Variants in ASH1L observed in about 807,000 individuals in gnomAD.
ASH1L encodes histone-lysine N-methyltransferase ASH1L.
ASH1L carries 23 observed loss-of-function variants against 269.0 expected under a neutral mutation model. The observed-to-expected ratio is 0.09, with a 90% CI of 0.06 to 0.12. The LOEUF is 0.12. ASH1L is among the 10% of genes least tolerant of loss of function. ASH1L has a pLI of 1.00. For missense variants in ASH1L, 2,912 were observed against 3,567.8 expected (o/e 0.82, Z 4.68); for synonymous variants, 1,187 against 1,253.5 (o/e 0.95, Z 1.12).
chr1:155,502,361 C>T (rs750413192), intron 2 of ASH1L, among the ~76,000 whole-genome samples: 14 of 152,186 alleles, frequency 9.2e-5, no homozygotes, highest in Non-Finnish European at 1.6e-4. Context: ...TGAGCCACCG[C>T]GCCCGGCAGA....
intron 5 of ASH1L, among the ~76,000 whole-genome samples, chr1:155,428,245 C>T (rs1221195365): frequency 6.6e-6 from 1 of 152,048 alleles, no homozygotes; most frequent in African/African-American, 2.4e-5. Flanking sequence ...TCAAGACCAG[C>T]CTGACCAACA....
At chr1:155,362,957 A>G (rs937343564) in intron 12 of ASH1L, among the ~76,000 whole-genome samples, 1 of 152,090 alleles carries the variant, frequency 6.6e-6, no homozygotes, top group African/African-American at 2.4e-5. Flanking sequence ...TCCATCCTGA[A>G]TTCAGAAAGC....
intron 1 of ASH1L, among the ~76,000 whole-genome samples, chr1:155,557,785 A>G (rs1671702970): frequency 6.6e-6 from 1 of 152,230 alleles, no homozygotes; most frequent in Non-Finnish European, 1.5e-5. Flanking sequence ...AAGGAAAATG[A>G]TAACAGAAAC....
chr1:155,359,940 C>G (rs1244837542), intron 13 of ASH1L, among the ~76,000 whole-genome samples: 2 of 151,414 alleles, frequency 1.3e-5, no homozygotes, highest in Admixed American at 6.6e-5. Context: ...CAGGCTGGAG[C>G]ACAGTGGTGC....
chr1:155,360,892 G>C (rs946618167), intron 12 of ASH1L, among the ~76,000 whole-genome samples: 1 of 151,430 alleles, frequency 6.6e-6, no homozygotes, highest in African/African-American at 2.4e-5. Context: ...AATATGGCTT[G>C]CCTGTATTCC....
intron 2 of ASH1L, among the ~76,000 whole-genome samples, chr1:155,518,761 G>C (rs1419083330): frequency 6.6e-6 from 1 of 151,106 alleles, no homozygotes; most frequent in East Asian, 1.9e-4. Context: ...AGGGAAGAGA[G>C]GGGGAGAGGC....
Position 155,555,962 on chromosome 1 carries a change from C to CA in ASH1L, c.-100+6190dup, listed in dbSNP as rs1671556148. ...AAATAAGCAAGAGGGGAAGGAGGGA[C>CA]AGGGGCTGGTAGATGTGGAAACAGT... On this transcript the variant is annotated intron_variant, in intron 1 of 27. Coordinates refer to ENST00000392403, the MANE Select transcript of ASH1L (RefSeq NM_018489.3). Among the ~76,000 whole-genome samples the CA allele has an allele frequency of 2.0e-5, 3 of 152,280 alleles. No individual in the cohort carries two copies. The South Asian group carries it at 6.2e-4, about 32-fold the overall frequency.
intron 2 of ASH1L, among the ~76,000 whole-genome samples, chr1:155,489,333 G>T (rs1434640279): frequency 2.0e-5 from 3 of 151,954 alleles, no homozygotes; most frequent in Non-Finnish European, 4.4e-5. Flanking sequence ...AATTAGCTGG[G>T]TGTGGTGGTG....
intron 2 of ASH1L, among the ~76,000 whole-genome samples, chr1:155,500,439 T>A (rs1302338542): frequency 6.6e-6 from 1 of 152,104 alleles, no homozygotes; most frequent in Non-Finnish European, 1.5e-5. Flanking sequence ...ATAGCAAGAC[T>A]CAGAGATACC....
chr1:155,489,943 T>C (rs1012252724), intron 2 of ASH1L, among the ~76,000 whole-genome samples: 1 of 152,012 alleles, frequency 6.6e-6, no homozygotes, highest in African/African-American at 2.4e-5. Context: ...GCATATGCAT[T>C]AGTTACACAC....
chr1:155,431,495 T>C (rs1413652361), intron 5 of ASH1L, among the ~76,000 whole-genome samples: 2 of 151,948 alleles, frequency 1.3e-5, no homozygotes, highest in East Asian at 3.9e-4. Context: ...GGTGCGGTGC[T>C]CACACCTGTA....
Position 155,479,196 on chromosome 1 carries a change from T to C in ASH1L, c.3674A>G (p.His1225Arg). Reference sequence around the variant, plus strand: ...AATCAGAGAAACATGCTCAAAAGAATGCCTCCTCTTTTTTTGCCCACAAAA... The same window carrying C: ...AATCAGAGAAACATGCTCAAAAGAACGCCTCCTCTTTTTTTGCCCACAAAA... ...EKFCGQKKRR[H>R]SFEHVSLIPP... Residue 1225 changes from histidine (H) to arginine (R), a missense_variant, in exon 3 of 28, where the codon CAT becomes CGT. Transcript: ENST00000392403. 6.2e-7 allele frequency: 1 copy of C among 1,614,170 alleles called. No individual in the cohort carries two copies. The highest frequency in any genetic ancestry group is 8.5e-7 in the Non-Finnish European group (1 of 1,180,024).
intron 2 of ASH1L, among the ~76,000 whole-genome samples, chr1:155,505,778 T>C (rs960498735): frequency 3.9e-5 from 6 of 152,276 alleles, no homozygotes; most frequent in African/African-American, 1.4e-4. Flanking sequence ...CTGGGCTAAC[T>C]TAAAATAGGG....
At chr1:155,445,415 C>T (rs1002548097) in intron 4 of ASH1L, among the ~76,000 whole-genome samples, 1 of 152,018 alleles carries the variant, frequency 6.6e-6, no homozygotes, top group African/African-American at 2.4e-5. Flanking sequence ...GAACTCCTGA[C>T]CTCAGGTGAT....
chr1:155,537,606 C>T (rs992488326), intron 1 of ASH1L, among the ~76,000 whole-genome samples: 3 of 152,178 alleles, frequency 2.0e-5, no homozygotes, highest in Non-Finnish European at 4.4e-5. Context: ...CCTTACCTCA[C>T]ATCATACACA....
chr1:155,517,832 G>T (rs1174423569), intron 2 of ASH1L, among the ~76,000 whole-genome samples: 3 of 104,588 alleles, frequency 2.9e-5, no homozygotes, highest in African/African-American at 7.6e-5. Flanking sequence ...ACGGAGTCTC[G>T]CTCTGTCGCC....
intron 20 of ASH1L, among the ~76,000 whole-genome samples, chr1:155,347,018 ATGAT>A (rs1653403077): frequency 6.6e-6 from 1 of 152,250 alleles, no homozygotes; most frequent in Non-Finnish European, 1.5e-5. Flanking sequence ...ATTATCACTA[ATGAT>A]TCAAAAGGCA....
chr1:155,552,185 G>A (rs1262698309), intron 1 of ASH1L, among the ~76,000 whole-genome samples: 1 of 151,606 alleles, frequency 6.6e-6, no homozygotes, highest in African/African-American at 2.4e-5. Context: ...AATATATGAA[G>A]GCCGGGCACA....
intron 21 of ASH1L, chr1:155,345,979 A>T: frequency 2.7e-6 from 1 of 366,742 alleles, no homozygotes; most frequent in Non-Finnish European, 5.2e-6. Flanking sequence ...CTTCAGGTGC[A>T]CGCCTCCATG....
Sources: allele counts gnomAD v4.1 joint callset (sites outside exome capture counted in the v4.1 genomes callset), GRCh38; gene constraint gnomAD v4.1.1; transcripts MANE v1.5; gene names NCBI Gene and HGNC (gene_info 2026-07-23, HGNC 2026-07-21).